Variants in ABTB3 observed in about 807,000 individuals in gnomAD.
ABTB3 encodes the protein ankyrin repeat- and BTB/POZ domain-containing protein 3.
At chr12:107,656,743 C>T in the ABTB3 span, among the ~76,000 whole-genome samples, 1 of 152,214 alleles carries the variant, frequency 6.6e-6, no homozygotes, top group Non-Finnish European at 1.5e-5. Context: ...AAGCAAGTGC[C>T]AGGTGTGCTG....
the ABTB3 span, among the ~76,000 whole-genome samples, chr12:107,598,964 T>C: frequency 6.6e-6 from 1 of 152,232 alleles, no homozygotes; most frequent in South Asian, 2.1e-4. Flanking sequence ...TGGATAAGTC[T>C]GGACATGGCC....
At chr12:107,370,757 ATT>A in the ABTB3 span, among the ~76,000 whole-genome samples, 29,790 of 87,136 alleles carry the variant, frequency 0.34, 5,129 homozygotes, top group African/African-American at 0.54. Context: ...CAAAAAAGGG[ATT>A]TTTTTTTTTT....
chr12:107,413,166 C>A, the ABTB3 span, among the ~76,000 whole-genome samples: 7 of 152,042 alleles, frequency 4.6e-5, no homozygotes, highest in African/African-American at 1.7e-4. Context: ...CCCAGCTACT[C>A]AGGAGGCTGA....
the ABTB3 span, among the ~76,000 whole-genome samples, chr12:107,534,901 A>C: frequency 1.3e-5 from 2 of 152,190 alleles, no homozygotes; most frequent in Non-Finnish European, 2.9e-5. Flanking sequence ...GAACTATTCC[A>C]AAAAAACTTG....
the ABTB3 span, among the ~76,000 whole-genome samples, chr12:107,414,843 G>T: frequency 6.6e-6 from 1 of 151,202 alleles, no homozygotes; most frequent in Non-Finnish European, 1.5e-5. Context: ...TCAGCCTCCC[G>T]AGTAGCTGGG....
At chr12:107,651,860 C>G in the ABTB3 span, 1 of 1,290,882 alleles carries the variant, frequency 7.7e-7, no homozygotes. Context: ...TTGGCAAACA[C>G]AGAGGCAGGG....
chr12:107,560,917 A>G, the ABTB3 span, among the ~76,000 whole-genome samples: 3 of 152,136 alleles, frequency 2.0e-5, no homozygotes, highest in Admixed American at 2.0e-4. Context: ...ATGTGGCTCT[A>G]TCTTATGTTT....
chr12:107,659,159 T>C, the ABTB3 span: 2 of 152,342 alleles, frequency 1.3e-5, no homozygotes, highest in Middle Eastern at 3.4e-3. Context: ...CAGGAAGTTG[T>C]GCCAGACCCT....
the ABTB3 span, among the ~76,000 whole-genome samples, chr12:107,552,850 C>T: frequency 6.6e-6 from 1 of 152,172 alleles, no homozygotes; most frequent in South Asian, 2.1e-4. Flanking sequence ...CCCAGAAACC[C>T]TTCCCTACCA....
the ABTB3 span, among the ~76,000 whole-genome samples, chr12:107,331,119 A>G: frequency 1.2e-4 from 18 of 152,322 alleles, no homozygotes; most frequent in East Asian, 3.3e-3. Context: ...CATGAGGTGC[A>G]CAAGAAGCAC....
chr12:107,391,001 A>G, the ABTB3 span, among the ~76,000 whole-genome samples: 3 of 152,026 alleles, frequency 2.0e-5, no homozygotes, highest in Non-Finnish European at 4.4e-5. Context: ...AAAGGCAAAA[A>G]TTAGCTGGGT....
chr12:107,407,055 C>T, the ABTB3 span, among the ~76,000 whole-genome samples: 1 of 152,154 alleles, frequency 6.6e-6, no homozygotes, highest in Non-Finnish European at 1.5e-5. Context: ...ACCATTGCCC[C>T]CATCCCAGGA....
At chr12:107,507,458 T>C in the ABTB3 span, among the ~76,000 whole-genome samples, 10 of 152,110 alleles carry the variant, frequency 6.6e-5, no homozygotes, top group Non-Finnish European at 1.2e-4. Context: ...ATCCCTCCCA[T>C]TGACTCCCTC....
At chr12:107,549,576 G>T in the ABTB3 span, among the ~76,000 whole-genome samples, 1 of 152,230 alleles carries the variant, frequency 6.6e-6, no homozygotes, top group Non-Finnish European at 1.5e-5. Flanking sequence ...ACTGCTTAAA[G>T]CAGGAAGAAA....
the ABTB3 span, among the ~76,000 whole-genome samples, chr12:107,352,305 A>G: frequency 3.9e-4 from 60 of 152,304 alleles, 1 homozygote; most frequent in Admixed American, 3.1e-3. Context: ...CAGTTTGTGC[A>G]AAGGGAGGGC....
At chr12:107,489,390 CATGCCTGTA>C in the ABTB3 span, among the ~76,000 whole-genome samples, 1 of 152,104 alleles carries the variant, frequency 6.6e-6, no homozygotes, top group African/African-American at 2.4e-5. Flanking sequence ...CGTGGTGGTG[CATGCCTGTA>C]ATCCCAGATA....
chr12:107,497,701 G>A, the ABTB3 span, among the ~76,000 whole-genome samples: 1 of 152,190 alleles, frequency 6.6e-6, no homozygotes, highest in Non-Finnish European at 1.5e-5. Flanking sequence ...TCTGTCCTGG[G>A]AGGGACAGCT....
At chr12:107,341,054 C>G in the ABTB3 span, among the ~76,000 whole-genome samples, 1 of 152,104 alleles carries the variant, frequency 6.6e-6, no homozygotes, top group Non-Finnish European at 1.5e-5. Context: ...AAGGGCTGGG[C>G]ACAGACTCCA....
chr12:107,611,241 C>T, the ABTB3 span, among the ~76,000 whole-genome samples: 4 of 151,826 alleles, frequency 2.6e-5, no homozygotes, highest in Non-Finnish European at 5.9e-5. Flanking sequence ...AGATGAGATC[C>T]CATTATGTTG....
Sources: allele counts gnomAD v4.1 joint callset (sites outside exome capture counted in the v4.1 genomes callset), GRCh38; gene constraint gnomAD v4.1.1; transcripts MANE v1.5; gene names NCBI Gene and HGNC (gene_info 2026-07-23, HGNC 2026-07-21).